ANO4: variants seen among roughly 807,000 people sequenced by gnomAD.
ANO4 encodes the protein anoctamin-4.
Under a neutral mutation model 141.9 loss-of-function variants are expected in ANO4, and 69 were observed. That is an observed-to-expected ratio of 0.49 (90% CI 0.40 to 0.59). ANO4 has a LOEUF of 0.59. ANO4 is among the 20% of genes least tolerant of loss of function. The probability of loss-of-function intolerance (pLI) is 0.00; values close to 1 mark genes in which losing one functional copy is unlikely to be tolerated. For missense variants in ANO4, 894 were observed against 1,162.2 expected, an observed-to-expected ratio of 0.77 and a Z score of 3.36; for synonymous variants, 350 against 394.3, an observed-to-expected ratio of 0.89 and a Z score of 1.33.
chr12:100,732,946 G>C (rs1035077445), intron 1 of ANO4, among the ~76,000 whole-genome samples: 2 of 152,168 alleles, frequency 1.3e-5, no homozygotes, highest in African/African-American at 4.8e-5. Flanking sequence ...TGAGGAAATT[G>C]ATTCCTGTGC....
intron 7 of ANO4, among the ~76,000 whole-genome samples, chr12:100,984,459 G>A (rs1210690205): frequency 1.3e-5 from 2 of 152,106 alleles, no homozygotes; most frequent in Non-Finnish European, 2.9e-5. Context: ...TTTTATGTTA[G>A]TCCTGTGTGG....
chr12:101,089,683 A>C (rs2049669708), intron 17 of ANO4, among the ~76,000 whole-genome samples: 1 of 152,240 alleles, frequency 6.6e-6, no homozygotes, highest in Non-Finnish European at 1.5e-5. Flanking sequence ...CCTGTGTGGC[A>C]TGGGCAAAGG....
upstream of ANO4, among the ~76,000 whole-genome samples, chr12:100,790,666 A>G (rs760551296): frequency 6.6e-6 from 1 of 151,990 alleles, no homozygotes; most frequent in Non-Finnish European, 1.5e-5. Flanking sequence ...AGAAAAAATT[A>G]TAGGTCTGTG....
chr12:100,885,408 C>G (rs1371513318), intron 1 of ANO4: 1 of 152,250 alleles, frequency 6.6e-6, no homozygotes, highest in Non-Finnish European at 1.5e-5. Context: ...CACTTTAAAC[C>G]TTGTTCTTCT....
At chr12:101,004,611 T>G (rs1430481749) in intron 8 of ANO4, among the ~76,000 whole-genome samples, 1 of 152,146 alleles carries the variant, frequency 6.6e-6, no homozygotes, top group African/African-American at 2.4e-5. Context: ...GGCATTGTAT[T>G]ATAGAAAAGA....
chr12:101,010,129 A>G (rs1424157765), intron 8 of ANO4, among the ~76,000 whole-genome samples: 1 of 152,060 alleles, frequency 6.6e-6, no homozygotes, highest in Admixed American at 6.6e-5. Context: ...CAACATTTTG[A>G]TGCTGTTGTT....
At chr12:100,879,889 C>T (rs548977088) in intron 1 of ANO4, among the ~76,000 whole-genome samples, 1 of 152,280 alleles carries the variant, frequency 6.6e-6, no homozygotes, top group African/African-American at 2.4e-5. Flanking sequence ...TGTAAAATTT[C>T]ACTGAAGTTC....
chr12:101,071,999 A>C (rs1434617350), intron 14 of ANO4, among the ~76,000 whole-genome samples: 1 of 152,110 alleles, frequency 6.6e-6, no homozygotes, highest in African/African-American at 2.4e-5. Flanking sequence ...TTTCCTCCCT[A>C]TTTGCAGAAT....
chr12:100,963,592 A>C (rs1054865497), intron 5 of ANO4, among the ~76,000 whole-genome samples: 1 of 152,134 alleles, frequency 6.6e-6, no homozygotes. Flanking sequence ...ACAAATTCCA[A>C]TGTGTCCCTA....
In ANO4 at chr12:100,725,452, T is replaced by G. The variant is rs2031072849; in HGVS notation, c.22+7905T>G. On this transcript the variant is annotated intron_variant, in intron 1 of 29. Coordinates refer to the ANO4 transcript ENST00000644049. ...AGCTCCGCCTTCCGGGTTCACGCCA[T>G]TCTCCTGCCTCAGCCTCCCGAGTAG... Among the ~76,000 whole-genome samples the G allele has an allele frequency of 2.0e-5, 3 of 149,808 alleles. No individual in the cohort carries two copies. The Admixed American group carries it at 2.0e-4, about 10-fold the overall frequency.
intron 1 of ANO4, among the ~76,000 whole-genome samples, chr12:100,836,084 A>C (rs903303008): frequency 1.3e-5 from 2 of 152,156 alleles, no homozygotes; most frequent in African/African-American, 4.8e-5. Flanking sequence ...TGTGTGCTGA[A>C]CTGCTAAACT....
chr12:100,893,280 T>TG (rs1288948182), intron 1 of ANO4, among the ~76,000 whole-genome samples: 1 of 151,884 alleles, frequency 6.6e-6, no homozygotes, highest in Non-Finnish European at 1.5e-5. Flanking sequence ...AGGACCAAAC[T>TG]GTGAGCACCA....
At chr12:100,977,851 G>A (rs999274059) in intron 7 of ANO4, among the ~76,000 whole-genome samples, 39 of 152,042 alleles carry the variant, frequency 2.6e-4, no homozygotes, top group African/African-American at 8.9e-4. Context: ...AACTGTCCTC[G>A]CCCATCGCTT....
intron 9 of ANO4, 152 bp from the exon 10 acceptor site, chr12:101,036,943 G>T: frequency 6.9e-6 from 4 of 578,366 alleles, no homozygotes; most frequent in Admixed American, 3.2e-5. Flanking sequence ...CCAATTTCAC[G>T]GCAGCAGAGC....
At chr12:100,804,684 G>A (rs2034898026) in intron 1 of ANO4, among the ~76,000 whole-genome samples, 1 of 152,018 alleles carries the variant, frequency 6.6e-6, no homozygotes, top group Non-Finnish European at 1.5e-5. Context: ...GTTTTGATTT[G>A]CATTTATCTA....
intron 14 of ANO4, among the ~76,000 whole-genome samples, chr12:101,070,711 A>T (rs1332725732): frequency 6.6e-6 from 1 of 152,158 alleles, no homozygotes; most frequent in Admixed American, 6.6e-5. Flanking sequence ...AGGAAACAAC[A>T]TGAAGAGACA....
intron 15 of ANO4, among the ~76,000 whole-genome samples, chr12:101,080,876 ATATATAT>A (rs1487116317): frequency 3.1e-5 from 3 of 96,442 alleles, no homozygotes; most frequent in Non-Finnish European, 6.3e-5. Context: ...ATATATATAT[ATATATAT>A]TATATATATA....
chr12:101,089,402 G>A (rs1053052534), intron 17 of ANO4, among the ~76,000 whole-genome samples: 21 of 152,014 alleles, frequency 1.4e-4, no homozygotes, highest in African/African-American at 4.6e-4. Context: ...CGTGATGTTT[G>A]TGCGACAGCT....
chr12:100,900,566 T>A (rs1230848160), intron 1 of ANO4, among the ~76,000 whole-genome samples: 1 of 151,588 alleles, frequency 6.6e-6, no homozygotes, highest in Non-Finnish European at 1.5e-5. Context: ...GGTTTTTCTG[T>A]CCGTCAATGA....
Sources: allele counts gnomAD v4.1 joint callset (sites outside exome capture counted in the v4.1 genomes callset), GRCh38; gene constraint gnomAD v4.1.1; transcripts MANE v1.5; gene names NCBI Gene and HGNC (gene_info 2026-07-23, HGNC 2026-07-21).